UNC80: variants seen among roughly 807,000 people sequenced by gnomAD.
UNC80 encodes protein unc-80 homolog.
In UNC80, 164 loss-of-function variants were observed where a neutral mutation model predicts 384.6. The ratio of observed to expected loss-of-function variants is 0.43; its 90% CI spans 0.38 to 0.49. UNC80 has a LOEUF of 0.49. Ranked by LOEUF, UNC80 falls within the 20% of genes least tolerant of loss-of-function variation. The pLI is 0.00. For synonymous variants in UNC80, 1,486 were observed against 1,527.8 expected, an observed-to-expected ratio of 0.97 and a Z score of 0.64; for missense variants, 3,330 against 4,143.0, an observed-to-expected ratio of 0.80 and a Z score of 5.39.
intron 26 of UNC80, among the ~76,000 whole-genome samples, chr2:209,888,522 G>A (rs541814989): frequency 1.3e-5 from 2 of 152,184 alleles, no homozygotes; most frequent in South Asian, 4.2e-4. Context: ...TACCAATAAG[G>A]AAAGAAAAAT....
rs147710089 is a variant in UNC80 at position 209,971,644 on chromosome 2, A to C, written c.8257-557A>C. Among the ~76,000 whole-genome samples the C allele has an allele frequency of 3.3e-3, 505 of 152,364 alleles. 5 individuals carry two copies. Among genetic ancestry groups the C allele is most frequent in the African/African-American group, 0.011 (478 of 41,590 alleles). On this transcript the variant is annotated intron_variant, in intron 54 of 64. Coordinates refer to ENST00000673920, the MANE Select transcript of UNC80 (RefSeq NM_001371986.1). ...CCAAGCTTGATGGCTCATCATCCAGAGAATGGGTAGATGGTAGAAAAGAGA... is the reference window on the plus strand; with the variant it reads ...CCAAGCTTGATGGCTCATCATCCAGCGAATGGGTAGATGGTAGAAAAGAGA...
At chr2:209,808,246 C>T (rs1417717521) in intron 7 of UNC80, among the ~76,000 whole-genome samples, 2 of 152,186 alleles carry the variant, frequency 1.3e-5, no homozygotes, top group East Asian at 1.9e-4. Context: ...TTCTCAGTTA[C>T]GGTGATTCCA....
chr2:209,970,155 G>C, intron 53 of UNC80: 1 of 426,014 alleles, frequency 2.3e-6, no homozygotes, highest in Non-Finnish European at 4.2e-6. Context: ...GTTGCGCTGA[G>C]AGTTGAGGGC....
At chr2:209,789,654 C>A (rs2153825487) in intron 6 of UNC80, 49 bp downstream of exon 6, 2 of 1,337,380 alleles carry the variant, frequency 1.5e-6, no homozygotes, top group Non-Finnish European at 2.1e-6. Context: ...AGTCCTTGGA[C>A]ATAGTGTAGT....
At position 209,865,170 on chromosome 2, in the gene UNC80, A is replaced by G. The variant is rs2083633945; in HGVS notation, c.3628-7588A>G. ...TCTCCACGGGTCACGGCAGCCTCTTAGTTCTGACGAGAGAACCTGGATACC... is the reference window on the plus strand; with the variant it reads ...TCTCCACGGGTCACGGCAGCCTCTTGGTTCTGACGAGAGAACCTGGATACC... On this transcript the variant is annotated intron_variant, in intron 22 of 64. Transcript: ENST00000673920. Among the ~76,000 whole-genome samples, 2 of 151,672 alleles carry G rather than the reference A, an allele frequency of 1.3e-5. 1 individual carries two copies. Among genetic ancestry groups the G allele is most frequent in the Non-Finnish European group, 2.9e-5 (2 of 67,974 alleles).
chr2:209,943,616 C>A, intron 45 of UNC80, 102 bp downstream of exon 45: 1 of 1,394,290 alleles, frequency 7.2e-7, no homozygotes, highest in South Asian at 1.3e-5. Context: ...GCTACCATCA[C>A]TTGTGTTTTG....
intron 6 of UNC80, among the ~76,000 whole-genome samples, chr2:209,790,493 G>A (rs1043998609): frequency 6.6e-6 from 1 of 152,144 alleles, no homozygotes; most frequent in African/African-American, 2.4e-5. Context: ...TTGAAATTGA[G>A]TATGCTTGAC....
At chr2:209,903,466 ATATATATAGTATATATGTAATATATATAT>A (rs1225400516) in intron 28 of UNC80, among the ~76,000 whole-genome samples, 13 of 21,306 alleles carry the variant, frequency 6.1e-4, no homozygotes, top group African/African-American at 1.6e-3. Flanking sequence ...TATATACATT[ATATATATAGTATATATGTAATATATATAT>A]TATATATAGT....
At chr2:209,792,428 A>G (rs540567135) in intron 6 of UNC80, among the ~76,000 whole-genome samples, 38 of 152,326 alleles carry the variant, frequency 2.5e-4, no homozygotes, top group Admixed American at 9.1e-4. Context: ...GCTCACTGAA[A>G]GCTCCGCCTC....
chr2:209,878,656 T>A (rs1345697360), intron 24 of UNC80, among the ~76,000 whole-genome samples: 1 of 152,216 alleles, frequency 6.6e-6, no homozygotes, highest in African/African-American at 2.4e-5. Context: ...TAGAATTTCA[T>A]CATAGAAAAG....
chr2:209,954,443 G>A (rs2124994855), intron 48 of UNC80, 173 bp downstream of exon 48: 1 of 475,638 alleles, frequency 2.1e-6, no homozygotes, highest in East Asian at 3.3e-5. Context: ...TGAGTTATTT[G>A]AATAAATAAT....
intron 22 of UNC80, among the ~76,000 whole-genome samples, chr2:209,852,662 G>A (rs1204694210): frequency 6.6e-6 from 1 of 152,052 alleles, no homozygotes; most frequent in Non-Finnish European, 1.5e-5. Context: ...AATCAAAGCA[G>A]CATTTGGTGT....
rs535979983 is a variant in UNC80, at chr2:209,808,524, T to TAAAA, written c.939-5040_939-5037dup. Among the ~76,000 whole-genome samples, 3 of 120,776 alleles carry TAAAA rather than the reference T, an allele frequency of 2.5e-5. No homozygotes were observed. The Admixed American group carries it at 2.6e-4, about 11-fold the overall frequency. The allele number at this position is 120,776 out of a possible 152,430, so 79.2% of individuals were successfully genotyped here. ...TTGTAGTGAGCCGATATCGCGCCAC[T>TAAAA]AAAAAAAAAAAAAAAAAAAGTAAGG... On this transcript the variant is annotated intron_variant, in intron 7 of 64. Coordinates refer to ENST00000673920, the MANE Select transcript of UNC80 (RefSeq NM_001371986.1).
chr2:209,972,141 A>G (rs1189753591), intron 54 of UNC80, 60 bp from the exon 55 acceptor site: 5 of 1,528,834 alleles, frequency 3.3e-6, no homozygotes, highest in Non-Finnish European at 4.4e-6. Flanking sequence ...CTGTGTAAAA[A>G]CAAACATACT....
At position 209,994,230 on chromosome 2, in the gene UNC80, T is replaced by C; in HGVS notation, c.9674T>C (p.Val3225Ala). ...EPVLTSSPAI[V>A]VADLHSVSPK... is the part of the protein sequence containing the mutation. ...GTCCTCACATCTTCTCCCGCCATAG[T>C]TGTTGCGGATCTCCACAGCGTGTCT... The change falls in exon 64 of 65, where the codon GTT becomes GCT. Residue 3225 changes from valine (V) to alanine (A), a missense_variant. By Grantham distance (64) the Val-to-Ala change is moderately conservative (BLOSUM62 0). Transcript: ENST00000673920. 3 of 1,551,212 alleles carry C rather than the reference T, an allele frequency of 1.9e-6. No individual in the cohort carries two copies. Among genetic ancestry groups the C allele is most frequent in the Non-Finnish European group, 2.6e-6 (3 of 1,146,822 alleles).
intron 32 of UNC80, 116 bp from the exon 33 acceptor site, chr2:209,918,416 G>A (rs1454329899): frequency 2.9e-5 from 35 of 1,218,038 alleles, no homozygotes; most frequent in Non-Finnish European, 3.4e-5. Flanking sequence ...TGTTCATTCT[G>A]TGTGAAGTCA....
intron 14 of UNC80, among the ~76,000 whole-genome samples, chr2:209,828,078 A>G (rs962709292): frequency 2.6e-5 from 4 of 152,194 alleles, no homozygotes; most frequent in Non-Finnish European, 5.9e-5. Context: ...AATATCCTCT[A>G]AAGAGAAGAT....
chr2:209,992,104 C>A (rs1329909048), intron 61 of UNC80, 62 bp from the exon 62 acceptor site: 3 of 1,399,672 alleles, frequency 2.1e-6, no homozygotes, highest in Admixed American at 4.2e-5. Context: ...TGGCTAACAC[C>A]CACCAGAGGA....
At chr2:209,829,791 C>T (rs1273865915) in intron 15 of UNC80, among the ~76,000 whole-genome samples, 1 of 152,140 alleles carries the variant, frequency 6.6e-6, no homozygotes, top group African/African-American at 2.4e-5. Flanking sequence ...CAGTGCCTGA[C>T]AATTTTTTCA....
Sources: gnomAD v4.1 joint callset for allele counts (sites outside exome capture counted in the v4.1 genomes callset) on GRCh38, gnomAD v4.1.1 for gene constraint, MANE v1.5 for transcripts, NCBI Gene and HGNC (gene_info 2026-07-23, HGNC 2026-07-21) for gene names.